Variants in LIMK2 observed in about 807,000 individuals in gnomAD.
LIMK2 encodes LIM domain kinase 2.
Under a neutral mutation model 75.7 loss-of-function variants are expected in LIMK2, and 35 were observed. That is an observed-to-expected ratio of 0.46 (90% CI 0.35 to 0.61). The LOEUF (loss-of-function observed/expected upper bound fraction) is 0.61, where lower values mean the gene tolerates loss of function less well. Ranked by LOEUF, LIMK2 falls within the 20% of genes least tolerant of loss-of-function variation. The probability of loss-of-function intolerance (pLI) is 0.00; values close to 1 mark genes in which losing one functional copy is unlikely to be tolerated. For synonymous variants in LIMK2, 301 were observed against 319.2 expected, an observed-to-expected ratio of 0.94 and a Z score of 0.61; for missense variants, 623 against 831.0, an observed-to-expected ratio of 0.75 and a Z score of 3.08.
chr22:31,231,339 AC>A (rs1354189091), intron 2 of LIMK2, among the ~76,000 whole-genome samples: 24 of 152,200 alleles, frequency 1.6e-4, no homozygotes, highest in African/African-American at 4.3e-4. Context: ...CAGTGGAGCA[AC>A]CCTGCCATCT....
At chr22:31,221,334 T>TC (rs894105989) in intron 1 of LIMK2, among the ~76,000 whole-genome samples, 1 of 146,602 alleles carries the variant, frequency 6.8e-6, no homozygotes, top group Non-Finnish European at 1.5e-5. Flanking sequence ...TAGCCTTCCT[T>TC]CCCCCCTTTT....
In LIMK2 at chr22:31,262,800, T is replaced by C; in HGVS notation, c.854+9T>C. ...AGGAGACGTTCCCTAAGGTGCCACC[T>C]CCCACCCTGGCTCTGTTCTGTCCTA... On this transcript the variant is annotated intron_variant, in intron 7 of 15. Coordinates refer to ENST00000331728, the MANE Select transcript of LIMK2 (RefSeq NM_005569.4). The surrounding 1 kb of genome is among the most constrained non-coding windows in gnomAD (Gnocchi z 5.0). The C allele has an allele frequency of 6.3e-7, 1 of 1,580,464 alleles. No individual in the cohort carries two copies. Among genetic ancestry groups the C allele is most frequent in the Middle Eastern group, 1.7e-4 (1 of 5,956 alleles).
chr22:31,278,553 T>C lies in LIMK2; in HGVS notation c.*112T>C. ...GCTTCCTGTGGATTGGCGGAATGTT[T>C]AGAAGCAGAACAAGCCATTCCTATT... is the stretch of plus-strand genomic sequence containing the variant. On this transcript the variant is annotated 3_prime_UTR_variant, in exon 16 of 16. Transcript: ENST00000331728. 8.0e-7 allele frequency: 1 copy of C among 1,245,896 alleles called. No individual in the cohort carries two copies. The highest frequency in any genetic ancestry group is 1.1e-6 in the Non-Finnish European group (1 of 919,588). 77.2% of individuals were successfully genotyped at this position (1,245,896 alleles called of 1,614,324 possible).
At chr22:31,243,147 C>T (rs950834601) in intron 2 of LIMK2, among the ~76,000 whole-genome samples, 1 of 152,200 alleles carries the variant, frequency 6.6e-6, no homozygotes, top group Non-Finnish European at 1.5e-5. Flanking sequence ...GTCACGAACA[C>T]TTGACCTCAA....
At chr22:31,221,300 G>A (rs1469292046) in intron 1 of LIMK2, among the ~76,000 whole-genome samples, 1 of 151,900 alleles carries the variant, frequency 6.6e-6, no homozygotes, top group Non-Finnish European at 1.5e-5. Context: ...CAGGGCCTTT[G>A]CACATGTCCC....
chr22:31,235,917 A>G (rs932749266), intron 2 of LIMK2, among the ~76,000 whole-genome samples: 2 of 152,258 alleles, frequency 1.3e-5, no homozygotes, highest in African/African-American at 4.8e-5. Context: ...CAGATTGCTT[A>G]GTTTCAAATC....
intron 2 of LIMK2, among the ~76,000 whole-genome samples, chr22:31,250,324 A>C (rs2048712561): frequency 6.6e-6 from 1 of 152,026 alleles, no homozygotes; most frequent in Non-Finnish European, 1.5e-5. Flanking sequence ...CAGGAACTAT[A>C]CCCCTTTTAC....
Position 31,258,373 on chromosome 22 carries a change from A to G in LIMK2, c.199A>G (p.Lys67Glu). Residue 67 changes from lysine to glutamate, a missense_variant, in exon 3 of 16, where the codon AAG becomes GAG. Around this residue, in one of 3 missense-constraint regions of LIMK2, gnomAD observed 514 missense variants for 661.3 expected, o/e 0.78. Transcript: ENST00000331728. Reference sequence around the variant, plus strand: ...CTACTGCCCCAAGGACTACTGGGGGAAGTTTGGGGAGTTCTGTCATGGGTG... The same window carrying G: ...CTACTGCCCCAAGGACTACTGGGGGGAGTTTGGGGAGTTCTGTCATGGGTG... ...KLYCPKDYWG[K>E]FGEFCHGCSL... 6.2e-7 allele frequency: 1 copy of G among 1,613,754 alleles called. No individual in the cohort carries two copies. The highest frequency in any genetic ancestry group is 1.1e-5 in the South Asian group (1 of 91,050).
chr22:31,253,555 AG>A (rs1401604963), intron 2 of LIMK2, among the ~76,000 whole-genome samples: 1 of 152,232 alleles, frequency 6.6e-6, no homozygotes, highest in Non-Finnish European at 1.5e-5. Flanking sequence ...AAGGGTCTTG[AG>A]CTGTCAGGGC....
intron 2 of LIMK2, among the ~76,000 whole-genome samples, chr22:31,227,159 A>G (rs1214872933): frequency 2.0e-5 from 3 of 152,186 alleles, no homozygotes; most frequent in Admixed American, 1.3e-4. Flanking sequence ...ATTCTTCACA[A>G]CGTAAAATAG....
intron 13 of LIMK2, chr22:31,273,125 C>A: frequency 1.3e-6 from 1 of 795,462 alleles, no homozygotes; most frequent in Non-Finnish European, 1.5e-6. Flanking sequence ...ATTTTGGAGT[C>A]TGAGGCCCAG....
intron 1 of LIMK2, among the ~76,000 whole-genome samples, chr22:31,223,380 A>G (rs930087305): frequency 6.6e-6 from 1 of 152,148 alleles, no homozygotes; most frequent in Non-Finnish European, 1.5e-5. Flanking sequence ...GAATTTTGGA[A>G]ATAGAAATCA....
At chr22:31,215,281 C>G (rs1397167585) in intron 1 of LIMK2, among the ~76,000 whole-genome samples, 1 of 152,212 alleles carries the variant, frequency 6.6e-6, no homozygotes, top group Non-Finnish European at 1.5e-5. Context: ...CTTAAACTTT[C>G]ACTTGTTATT....
At position 31,278,618 on chromosome 22, in the gene LIMK2, G is replaced by GT. The variant is rs1333875019; in HGVS notation, c.*178dup. ...CAAGTGGGCGCAGCACCAGGGAAATGTATCTCCACAGGTTCTGGGGCCTAG... is the reference window on the plus strand; with the variant it reads ...CAAGTGGGCGCAGCACCAGGGAAATGTTATCTCCACAGGTTCTGGGGCCTAG... On this transcript the variant is annotated 3_prime_UTR_variant, in exon 16 of 16. Coordinates refer to ENST00000331728, the MANE Select transcript of LIMK2 (RefSeq NM_005569.4). 7 of 517,494 alleles carry GT rather than the reference G, an allele frequency of 1.4e-5. No individual in the cohort carries two copies. The African/African-American group carries it at 1.4e-4, about 10-fold the overall frequency. 32.1% of individuals were successfully genotyped at this position (517,494 alleles called of 1,614,324 possible). A position where few individuals can be genotyped will look rare whatever the true frequency, so the allele number is the denominator to read the frequency against.
intron 15 of LIMK2, 120 bp downstream of exon 15, chr22:31,275,428 G>A: frequency 3.1e-6 from 3 of 978,192 alleles, no homozygotes. Flanking sequence ...TCAAGAATGT[G>A]GCTGTCAACC....
intron 1 of LIMK2, among the ~76,000 whole-genome samples, chr22:31,217,970 C>A (rs1308419605): frequency 1.3e-5 from 2 of 152,100 alleles, no homozygotes; most frequent in African/African-American, 4.8e-5. Flanking sequence ...TACATGGGCA[C>A]ATAGAAAAAA....
At chr22:31,278,154 C>T (rs2049050829) in intron 15 of LIMK2, 143 bp from the exon 16 acceptor site, 2 of 673,916 alleles carry the variant, frequency 3.0e-6, no homozygotes, top group South Asian at 1.9e-5. Flanking sequence ...AACATTATGC[C>T]CATTTCTCAC....
intron 3 of LIMK2, 125 bp downstream of exon 3, chr22:31,258,551 C>T (rs1269092788): frequency 4.3e-6 from 4 of 937,290 alleles, no homozygotes; most frequent in Non-Finnish European, 6.4e-6. Context: ...TTTATTTATT[C>T]ATTCATTCAA....
chr22:31,217,499 G>GAACAATAA (rs1217954844), intron 1 of LIMK2, among the ~76,000 whole-genome samples: 1 of 152,084 alleles, frequency 6.6e-6, no homozygotes, highest in East Asian at 1.9e-4. Context: ...CGTAAAATGA[G>GAACAATAA]AACAATAATA....
Sources: gnomAD v4.1 joint callset for allele counts (sites outside exome capture counted in the v4.1 genomes callset) on GRCh38, gnomAD v4.1.1 for gene constraint, gnomAD v4.1.1 regional missense constraint, Gnocchi (gnomAD v3.1) non-coding constraint, MANE v1.5 for transcripts, NCBI Gene and HGNC (gene_info 2026-07-23, HGNC 2026-07-21) for gene names.